MRPL42: variants seen among roughly 807,000 people sequenced by gnomAD.
The protein encoded by MRPL42 is large ribosomal subunit protein mL42.
A neutral mutation model predicts 17.9 loss-of-function variants in MRPL42; 17 were observed. The observed-to-expected ratio is 0.95, with a 90% CI of 0.65 to 1.42. The LOEUF is 1.42. Ranked by LOEUF, MRPL42 falls within the 40% of genes most tolerant of loss-of-function variation. The pLI is 0.00. For synonymous variants in MRPL42, 59 were observed against 54.4 expected, an observed-to-expected ratio of 1.08 and a Z score of -0.37; for missense variants, 177 against 175.2, an observed-to-expected ratio of 1.01 and a Z score of -0.06.
intron 5 of MRPL42, among the ~76,000 whole-genome samples, chr12:93,491,049 C>T (rs1171490916): frequency 1.3e-5 from 2 of 152,022 alleles, no homozygotes; most frequent in Non-Finnish European, 2.9e-5. Flanking sequence ...CATCACCATG[C>T]CTGGCTGTTT....
intron 2 of MRPL42, among the ~76,000 whole-genome samples, chr12:93,472,927 T>G (rs1173603883): frequency 6.6e-6 from 1 of 152,198 alleles, no homozygotes; most frequent in Non-Finnish European, 1.5e-5. Context: ...GTCACATATT[T>G]GGTAAACAAA....
At chr12:93,478,901 A>T (rs2121193839) in intron 3 of MRPL42, among the ~76,000 whole-genome samples, 1 of 149,820 alleles carries the variant, frequency 6.7e-6, no homozygotes, top group South Asian at 2.1e-4. Context: ...ATTTGTGATT[A>T]ATTTTAGCTT....
intron 2 of MRPL42, chr12:93,470,610 C>T: frequency 8.7e-7 from 1 of 1,153,474 alleles, no homozygotes; most frequent in East Asian, 6.0e-5. Flanking sequence ...CAACTCTTCC[C>T]TCCATCCCTC....
rs925174442 is a variant in MRPL42, at chr12:93,502,256, G to A, written c.*1035G>A. On this transcript the variant is annotated 3_prime_UTR_variant, in exon 6 of 6. Coordinates refer to ENST00000549982, the MANE Select transcript of MRPL42 (RefSeq NM_014050.4). The stretch of plus-strand genomic sequence containing the variant: ...AAAATGTTAAGGTCACTAGAATAGT[G>A]TTAGGAAAATGTTAATAGATAATTC... 1 of 152,196 alleles carries A rather than the reference G, an allele frequency of 6.6e-6. No individual in the cohort carries two copies. The highest frequency in any genetic ancestry group is 2.4e-5 in the African/African-American group (1 of 41,456). The allele number at this position is 152,196 out of a possible 1,614,324, so 9.4% of individuals were successfully genotyped here. A position where few individuals can be genotyped will look rare whatever the true frequency, so the allele number is the denominator to read the frequency against.
At chr12:93,479,755 T>C (rs1880366200) in intron 4 of MRPL42, among the ~76,000 whole-genome samples, 1 of 152,090 alleles carries the variant, frequency 6.6e-6, no homozygotes, top group Non-Finnish European at 1.5e-5. Context: ...ATACATCTAG[T>C]ATAAAATTAT....
chr12:93,473,353 C>T (rs1397906841), intron 2 of MRPL42, among the ~76,000 whole-genome samples: 1 of 152,084 alleles, frequency 6.6e-6, no homozygotes, highest in Non-Finnish European at 1.5e-5. Context: ...TTCGACCTCC[C>T]TGGGCTCAGG....
chr12:93,477,542 G>A (rs1251505367), intron 3 of MRPL42, among the ~76,000 whole-genome samples: 3 of 152,106 alleles, frequency 2.0e-5, no homozygotes, highest in Non-Finnish European at 4.4e-5. Context: ...AATCTATGTT[G>A]TTTTTATTAC....
intron 5 of MRPL42, among the ~76,000 whole-genome samples, chr12:93,490,745 G>T (rs981349476): frequency 5.3e-5 from 8 of 152,066 alleles, no homozygotes; most frequent in African/African-American, 1.9e-4. Flanking sequence ...TTAATATATA[G>T]AAGGATGATT....
rs1953633595 is a variant in MRPL42, at chr12:93,503,973, T to C, written c.*2752T>C. On this transcript the variant is annotated 3_prime_UTR_variant, in exon 6 of 6. Coordinates refer to ENST00000549982, the MANE Select transcript of MRPL42 (RefSeq NM_014050.4). ...TCCTGGTGGATTATTACCATTTTCT[T>C]TTTTTATTTTTTTTTTAAATTTATT... The C allele has an allele frequency of 6.8e-6, 1 of 146,052 alleles. No homozygotes were observed. Among genetic ancestry groups the C allele is most frequent in the South Asian group, 2.2e-4 (1 of 4,638 alleles). The allele number at this position is 146,052 out of a possible 1,614,324, so 9.0% of individuals were successfully genotyped here.
chr12:93,489,632 C>G (rs1410523543), intron 5 of MRPL42, among the ~76,000 whole-genome samples: 1 of 152,132 alleles, frequency 6.6e-6, no homozygotes, highest in South Asian at 2.1e-4. Flanking sequence ...CTCCCAGGTT[C>G]GAGTGATTCT....
chr12:93,475,764 CACG>C (rs377755255), intron 2 of MRPL42, among the ~76,000 whole-genome samples: 1 of 151,960 alleles, frequency 6.6e-6, no homozygotes, highest in Non-Finnish European at 1.5e-5. Context: ...GCAGGTGGAT[CACG>C]AGGTCAGGAG....
intron 3 of MRPL42, among the ~76,000 whole-genome samples, chr12:93,478,918 A>T (rs1450510588): frequency 1.4e-5 from 2 of 147,596 alleles, no homozygotes; most frequent in Non-Finnish European, 3.0e-5. Context: ...GCTTTTATTT[A>T]TTTATTTATT....
At position 93,513,317 on chromosome 12, in the gene MRPL42, T is replaced by A. The variant is rs924355187; in HGVS notation, c.*12096T>A. On this transcript the variant is annotated 3_prime_UTR_variant, in exon 6 of 6. Coordinates refer to ENST00000549982, the MANE Select transcript of MRPL42 (RefSeq NM_014050.4). ...CTCAAGCAATCCTCTCACCTCAGCC[T>A]GCAGCTGGAGCTTCAGGTGTCTGCC... 1 of 150,144 alleles carries A rather than the reference T, an allele frequency of 6.7e-6. No individual in the cohort carries two copies. Among genetic ancestry groups the A allele is most frequent in the African/African-American group, 2.5e-5 (1 of 40,768 alleles). 9.3% of individuals were successfully genotyped at this position (150,144 alleles called of 1,614,324 possible). A position where few individuals can be genotyped will look rare whatever the true frequency, so the allele number is the denominator to read the frequency against.
intron 2 of MRPL42, among the ~76,000 whole-genome samples, chr12:93,476,492 G>A (rs946485451): frequency 8.5e-5 from 13 of 152,094 alleles, no homozygotes; most frequent in African/African-American, 2.9e-4. Flanking sequence ...GTTCTTTCTT[G>A]GAAAGGCTGG....
intron 2 of MRPL42, chr12:93,470,460 CTT>C: frequency 7.8e-7 from 1 of 1,275,724 alleles, no homozygotes; most frequent in African/African-American, 1.5e-5. Flanking sequence ...TGTGAGCCAA[CTT>C]TTTATTTTTA....
intron 3 of MRPL42, 68 bp downstream of exon 3, chr12:93,477,085 C>G: frequency 8.4e-7 from 1 of 1,189,608 alleles, no homozygotes; most frequent in Non-Finnish European, 1.2e-6. Flanking sequence ...AATTTTATTT[C>G]TTGTTTTGAT....
rs147717749 is a variant in MRPL42 at position 93,514,191 on chromosome 12, T to C, written c.*12970T>C. 1 of 152,242 alleles carries C rather than the reference T, an allele frequency of 6.6e-6. No individual in the cohort carries two copies. The highest frequency in any genetic ancestry group is 1.9e-4 in the East Asian group (1 of 5,176). The allele number at this position is 152,242 out of a possible 1,614,324, so 9.4% of individuals were successfully genotyped here. A position where few individuals can be genotyped will look rare whatever the true frequency, so the allele number is the denominator to read the frequency against. ...GTACTTTCTGGAATATTATTCAGCT[T>C]TCTCTTGAATTCTTTTAGTAACTAG... is the stretch of plus-strand genomic sequence containing the variant. On this transcript the variant is annotated 3_prime_UTR_variant, in exon 6 of 6. Transcript: ENST00000549982.
intron 4 of MRPL42, among the ~76,000 whole-genome samples, chr12:93,482,956 A>G (rs1880534839): frequency 6.6e-6 from 1 of 150,882 alleles, no homozygotes; most frequent in Admixed American, 6.6e-5. Flanking sequence ...CAGTGGTGTG[A>G]TCTTGTCTCA....
chr12:93,486,411 C>A (rs1880743606), intron 4 of MRPL42, among the ~76,000 whole-genome samples: 1 of 152,146 alleles, frequency 6.6e-6, no homozygotes, highest in Non-Finnish European at 1.5e-5. Flanking sequence ...ATGGTGCAAT[C>A]TTGGCTCACT....
Sources: allele counts gnomAD v4.1 joint callset (sites outside exome capture counted in the v4.1 genomes callset), GRCh38; gene constraint gnomAD v4.1.1; transcripts MANE v1.5; gene names NCBI Gene and HGNC (gene_info 2026-07-23, HGNC 2026-07-21).